PCDH15: variants seen among roughly 807,000 people sequenced by gnomAD.
PCDH15 encodes the protein protocadherin related 15.
PCDH15 carries 129 observed loss-of-function variants against 178.5 expected under a neutral mutation model. That is an observed-to-expected ratio of 0.72 (90% CI 0.63 to 0.84). The LOEUF (loss-of-function observed/expected upper bound fraction) is 0.84. PCDH15 is among the 40% of genes least tolerant of loss of function. The pLI is 0.00. For missense variants in PCDH15, 2,230 were observed against 2,099.9 expected (o/e 1.06, Z -1.21); for synonymous variants, 800 against 732.0 (o/e 1.09, Z -1.50).
At chr10:54,297,817 G>A (rs376500429) in intron 8 of PCDH15, among the ~76,000 whole-genome samples, 10 of 152,308 alleles carry the variant, frequency 6.6e-5, no homozygotes, top group African/African-American at 2.2e-4. Context: ...TCTAGGGCAA[G>A]CCTTTGATCT....
chr10:53,853,649 C>A (rs976926029), intron 28 of PCDH15, among the ~76,000 whole-genome samples: 3 of 151,904 alleles, frequency 2.0e-5, no homozygotes, highest in African/African-American at 7.2e-5. Flanking sequence ...TATACAATGG[C>A]CAATAGCACC....
At chr10:55,622,149 C>A (rs1342051243) in intron 2 of PCDH15, among the ~76,000 whole-genome samples, 8 of 65,142 alleles carry the variant, frequency 1.2e-4, no homozygotes, top group African/African-American at 1.7e-4. Flanking sequence ...TTATATATAT[C>A]TATAAATATA....
At chr10:54,156,137 A>T (rs1410343226) in intron 13 of PCDH15, among the ~76,000 whole-genome samples, 1 of 152,204 alleles carries the variant, frequency 6.6e-6, no homozygotes, top group Non-Finnish European at 1.5e-5. Context: ...GTGATATCTA[A>T]AAGGTAAGAA....
At chr10:55,345,153 C>A (rs1302508868) in intron 2 of PCDH15, among the ~76,000 whole-genome samples, 9 of 151,372 alleles carry the variant, frequency 5.9e-5, no homozygotes, top group Non-Finnish European at 7.4e-5. Flanking sequence ...CTCTCTCTCT[C>A]TCTCTATATA....
At chr10:55,428,387 G>C (rs182912234) in intron 2 of PCDH15, among the ~76,000 whole-genome samples, 107 of 151,902 alleles carry the variant, frequency 7.0e-4, no homozygotes, top group African/African-American at 2.6e-3. Context: ...GATGAATTGA[G>C]TTCTCTATCA....
intron 20 of PCDH15, among the ~76,000 whole-genome samples, chr10:54,002,297 A>C (rs1346904025): frequency 6.6e-6 from 1 of 152,084 alleles, no homozygotes; most frequent in Non-Finnish European, 1.5e-5. Flanking sequence ...TCCAGAAAGA[A>C]AATCAACAAA....
At position 54,790,991 on chromosome 10, in the gene PCDH15, A is replaced by G. The variant is rs534451874; in HGVS notation, c.-29+9934T>C. Among the ~76,000 whole-genome samples the G allele has an allele frequency of 7.2e-5, 11 of 151,920 alleles. No homozygotes were observed. In the South Asian group the frequency reaches 2.3e-3, roughly 32 times the overall value. On this transcript the variant is annotated intron_variant, in intron 1 of 37. Coordinates refer to ENST00000644397, the MANE Select transcript of PCDH15 (RefSeq NM_001384140.1). ...GAGAAAAATATTAAGACCCACAAAC[A>G]AAAATAACAATAACAACAAAAATAC...
chr10:54,708,231 G>A (rs1366960845), intron 1 of PCDH15, among the ~76,000 whole-genome samples: 3 of 152,188 alleles, frequency 2.0e-5, no homozygotes, highest in Non-Finnish European at 4.4e-5. Context: ...CTAAATAGAA[G>A]TGGAATAAGG....
At chr10:55,237,829 CAA>C (rs530030004) in intron 1 of PCDH15, among the ~76,000 whole-genome samples, 1 of 143,264 alleles carries the variant, frequency 7.0e-6, no homozygotes, top group African/African-American at 2.6e-5. Flanking sequence ...TATTGGAATT[CAA>C]AAAAAAAATG....
intron 2 of PCDH15, among the ~76,000 whole-genome samples, chr10:55,068,583 T>A (rs544284976): frequency 2.0e-5 from 3 of 152,282 alleles, no homozygotes; most frequent in African/African-American, 7.2e-5. Context: ...TCTGGATATT[T>A]TTTTGTTTCA....
At chr10:54,358,515 ATGC>A (rs1945421391) in intron 5 of PCDH15, among the ~76,000 whole-genome samples, 1 of 152,076 alleles carries the variant, frequency 6.6e-6, no homozygotes, top group Admixed American at 6.6e-5. Context: ...GGAACAACAA[ATGC>A]TGGAGAGGAT....
chr10:54,945,818 G>A (rs1838185589), intron 2 of PCDH15, among the ~76,000 whole-genome samples: 1 of 151,812 alleles, frequency 6.6e-6, no homozygotes, highest in South Asian at 2.1e-4. Flanking sequence ...GCAAGTATTG[G>A]GATCTGCAGA....
At chr10:55,180,277 A>G (rs1004499732) in intron 1 of PCDH15, among the ~76,000 whole-genome samples, 2 of 152,150 alleles carry the variant, frequency 1.3e-5, no homozygotes, top group Admixed American at 1.3e-4. Flanking sequence ...GGCTGGCTCC[A>G]GTTGTACAAT....
At chr10:54,967,041 T>C (rs1458316835) in intron 2 of PCDH15, among the ~76,000 whole-genome samples, 2 of 152,086 alleles carry the variant, frequency 1.3e-5, no homozygotes, top group African/African-American at 4.8e-5. Flanking sequence ...TGGTGTTACT[T>C]TGGATGAGTC....
At chr10:55,432,350 A>C (rs1838902562) in intron 2 of PCDH15, among the ~76,000 whole-genome samples, 1 of 152,190 alleles carries the variant, frequency 6.6e-6, no homozygotes, top group Non-Finnish European at 1.5e-5. Context: ...ATGTTTTAAT[A>C]GATTTTGATT....
chr10:54,632,273 A>T (rs889322401), intron 2 of PCDH15, among the ~76,000 whole-genome samples: 1 of 152,046 alleles, frequency 6.6e-6, no homozygotes, highest in Non-Finnish European at 1.5e-5. Flanking sequence ...AGCACTGGGA[A>T]CTACTACAGA....
chr10:54,124,229 C>T (rs1229650269), intron 15 of PCDH15, among the ~76,000 whole-genome samples: 1 of 152,082 alleles, frequency 6.6e-6, no homozygotes, highest in East Asian at 1.9e-4. Context: ...TGAAATAAGT[C>T]AGACACAAAA....
At chr10:54,323,508 T>C (rs929383834) in intron 7 of PCDH15, among the ~76,000 whole-genome samples, 1 of 152,140 alleles carries the variant, frequency 6.6e-6, no homozygotes, top group South Asian at 2.1e-4. Flanking sequence ...ATGTGGTGCA[T>C]ATACACCACG....
chr10:55,602,066 C>G (rs1843095418), intron 2 of PCDH15, among the ~76,000 whole-genome samples: 3 of 152,232 alleles, frequency 2.0e-5, no homozygotes, highest in South Asian at 4.1e-4. Context: ...GAGGCGTTGC[C>G]TCACTCGGGA....
Sources: allele counts gnomAD v4.1 joint callset (sites outside exome capture counted in the v4.1 genomes callset), GRCh38; gene constraint gnomAD v4.1.1; transcripts MANE v1.5; gene names NCBI Gene and HGNC (gene_info 2026-07-23, HGNC 2026-07-21).